Variants in SLC44A5 observed in about 807,000 individuals in gnomAD.
SLC44A5 encodes the protein solute carrier family 44 member 5.
SLC44A5 carries 57 observed loss-of-function variants against 101.8 expected under a neutral mutation model. The observed-to-expected ratio is 0.56, with a 90% confidence interval of 0.45 to 0.70. The LOEUF is 0.70. SLC44A5 is among the 30% of genes least tolerant of loss of function. SLC44A5 has a pLI of 0.00. For missense variants in SLC44A5, 737 were observed against 853.1 expected (o/e 0.86, Z 1.70); for synonymous variants, 281 against 290.9 (o/e 0.97, Z 0.35).
At chr1:75,387,124 C>T (rs1038641686) in intron 3 of SLC44A5, among the ~76,000 whole-genome samples, 7 of 152,134 alleles carry the variant, frequency 4.6e-5, no homozygotes, top group African/African-American at 1.7e-4. Flanking sequence ...AAAACCTAGG[C>T]ATTACCATTC....
At chr1:75,249,130 C>T (rs1649357730) in intron 7 of SLC44A5, among the ~76,000 whole-genome samples, 1 of 151,994 alleles carries the variant, frequency 6.6e-6, no homozygotes, top group Non-Finnish European at 1.5e-5. Flanking sequence ...GAAGTGGTCA[C>T]AGAACTAAGA....
the SLC44A5 span, among the ~76,000 whole-genome samples, chr1:75,722,870 G>C: frequency 6.6e-6 from 1 of 152,186 alleles, no homozygotes; most frequent in African/African-American, 2.4e-5. Context: ...AACATTCTTT[G>C]ATATCTGTTG....
At chr1:75,607,743 A>T (rs141691248) in intron 1 of SLC44A5, among the ~76,000 whole-genome samples, 1 of 151,880 alleles carries the variant, frequency 6.6e-6, no homozygotes, top group African/African-American at 2.4e-5. Flanking sequence ...TGTACATGCT[A>T]TCTTGCATGC....
chr1:75,618,211 G>A, the SLC44A5 span, among the ~76,000 whole-genome samples: 1 of 152,190 alleles, frequency 6.6e-6, no homozygotes, highest in Non-Finnish European at 1.5e-5. Flanking sequence ...GACTAGTTAG[G>A]ACTATTTTTG....
intron 2 of SLC44A5, among the ~76,000 whole-genome samples, chr1:75,464,874 A>G (rs1224646962): frequency 6.6e-6 from 1 of 152,208 alleles, no homozygotes; most frequent in Admixed American, 6.5e-5. Context: ...GCACCCAGAT[A>G]CATAAAGCAA....
chr1:75,585,461 A>G (rs1673939063), intron 1 of SLC44A5, among the ~76,000 whole-genome samples: 1 of 152,226 alleles, frequency 6.6e-6, no homozygotes, highest in Admixed American at 6.5e-5. Context: ...CAAAAAGAAT[A>G]CCCACTTCAG....
In SLC44A5 at chr1:75,219,304, C is replaced by G. The variant is rs773296039; in HGVS notation, c.1219G>C (p.Ala407Pro). 3.7e-6 allele frequency: 6 copies of G among 1,613,424 alleles called. No homozygotes were observed. The highest frequency in any genetic ancestry group is 1.7e-5 in the Admixed American group (1 of 59,996). ...TSGVPVYKVIAPGGHCIHENQ... is the reference protein window; with the variant it reads ...TSGVPVYKVIPPGGHCIHENQ... ...TCATGTATACAATGCCCCCCTGGAG[C>G]TATGACTTTGTATACAGGTACCCCC... is the stretch of plus-strand genomic sequence containing the variant. The change falls in exon 16 of 24, where the codon GCT (alanine) becomes CCT (proline). Residue 407 changes from alanine (A) to proline (P), a missense_variant. This residue lies in a region of SLC44A5 where 665 missense variants were observed against 764.4 expected (regional missense o/e 0.87). Coordinates refer to ENST00000370859, the MANE Select transcript of SLC44A5 (RefSeq NM_001130058.2).
chr1:75,204,646 G>GCTAA (rs1236869741), intron 23 of SLC44A5: 1 of 151,052 alleles, frequency 6.6e-6, no homozygotes, highest in African/African-American at 2.5e-5. Context: ...ACCACACTTG[G>GCTAA]CTAACTTTTA....
chr1:75,385,850 C>T (rs995607195), intron 3 of SLC44A5, among the ~76,000 whole-genome samples: 18 of 152,146 alleles, frequency 1.2e-4, no homozygotes, highest in African/African-American at 4.1e-4. Flanking sequence ...CATCCAAAAG[C>T]TTATCCACCA....
intron 1 of SLC44A5, among the ~76,000 whole-genome samples, chr1:75,549,563 G>A (rs370497624): frequency 3.9e-5 from 6 of 152,140 alleles, no homozygotes; most frequent in African/African-American, 1.2e-4. Context: ...CAAATATTGT[G>A]CTAAGCATAG....
intron 6 of SLC44A5, among the ~76,000 whole-genome samples, chr1:75,260,768 C>A (rs1650427876): frequency 6.6e-6 from 1 of 152,002 alleles, no homozygotes; most frequent in Non-Finnish European, 1.5e-5. Flanking sequence ...GACCACATAA[C>A]TGGAAGTAAA....
At chr1:75,527,443 A>G (rs1670484153) in intron 2 of SLC44A5, among the ~76,000 whole-genome samples, 1 of 152,148 alleles carries the variant, frequency 6.6e-6, no homozygotes, top group Non-Finnish European at 1.5e-5. Flanking sequence ...AAAGCATTAA[A>G]ATGGGCTACA....
chr1:75,703,558 G>A, the SLC44A5 span, among the ~76,000 whole-genome samples: 4 of 151,836 alleles, frequency 2.6e-5, no homozygotes, highest in East Asian at 3.9e-4. Flanking sequence ...TATACCTAAT[G>A]TTAAGTGATG....
intron 2 of SLC44A5, among the ~76,000 whole-genome samples, chr1:75,407,608 G>A (rs1166353397): frequency 6.6e-6 from 1 of 152,100 alleles, no homozygotes; most frequent in East Asian, 1.9e-4. Flanking sequence ...CAAGCAATGG[G>A]GAAAGGATTC....
In SLC44A5 at chr1:75,234,081, A is replaced by C; in HGVS notation, c.758T>G (p.Met253Arg). 6.2e-7 allele frequency: 1 copy of C among 1,613,104 alleles called. No homozygotes were observed. The highest frequency in any genetic ancestry group is 8.5e-7 in the Non-Finnish European group (1 of 1,179,340). Reference protein sequence around the residue: ...YWILIGLTIAMVLSWIFLILL... With the variant: ...YWILIGLTIARVLSWIFLILL... ...TATCAAAAATATCCAACTAAGGACCATGGCAATCGTCAGGCCACTAGAAAA... is the reference window on the plus strand; with the variant it reads ...TATCAAAAATATCCAACTAAGGACCCTGGCAATCGTCAGGCCACTAGAAAA... Residue 253 changes from methionine (M) to arginine (R), a missense_variant, in exon 12 of 24, where the codon ATG (methionine) becomes AGG (arginine). Met to Arg is a moderately conservative substitution (Grantham distance 91). This residue lies in a region of SLC44A5 where 665 missense variants were observed against 764.4 expected (regional missense o/e 0.87). Transcript: ENST00000370859.
chr1:75,383,051 G>A (rs532553617), intron 3 of SLC44A5, among the ~76,000 whole-genome samples: 1 of 2,178 alleles, frequency 4.6e-4, no homozygotes, highest in African/African-American at 3.0e-3. Context: ...TCCATCTACT[G>A]AGATAGGGAA....
intron 1 of SLC44A5, among the ~76,000 whole-genome samples, chr1:75,604,756 G>C (rs990238039): frequency 1.2e-5 from 1 of 86,158 alleles, no homozygotes; most frequent in Non-Finnish European, 3.1e-5. Context: ...GAAACCAAGG[G>C]GTGTGTGTGT....
At chr1:75,349,154 T>C (rs1431782518) in intron 3 of SLC44A5, among the ~76,000 whole-genome samples, 1 of 151,958 alleles carries the variant, frequency 6.6e-6, no homozygotes, top group African/African-American at 2.4e-5. Flanking sequence ...GTTCTAGACA[T>C]GGTGAAACCT....
chr1:75,603,147 C>G (rs532273305), intron 1 of SLC44A5, among the ~76,000 whole-genome samples: 1 of 152,044 alleles, frequency 6.6e-6, no homozygotes, highest in Non-Finnish European at 1.5e-5. Flanking sequence ...CCTCTCCACT[C>G]TAGCAGTCCC....
Sources: allele counts gnomAD v4.1 joint callset (sites outside exome capture counted in the v4.1 genomes callset), GRCh38; gene constraint gnomAD v4.1.1; regional missense constraint gnomAD v4.1.1; transcripts MANE v1.5; gene names NCBI Gene and HGNC (gene_info 2026-07-23, HGNC 2026-07-21).